The following ADI1 variants were observed in gnomAD, a reference collection of about 807,000 sequenced individuals.
ADI1 encodes acireductone dioxygenase.
A neutral mutation model predicts 18.7 loss-of-function variants in ADI1; 21 were observed. The observed-to-expected ratio is 1.13, with a 90% CI of 0.80 to 1.62. The LOEUF is 1.62. Ranked by LOEUF, ADI1 falls within the 40% of genes most tolerant of loss-of-function variation. The pLI, the probability that ADI1 is intolerant of heterozygous loss-of-function variation, is 0.00. For missense variants in ADI1, 245 were observed against 254.9 expected (o/e 0.96, Z 0.26); for synonymous variants, 90 against 100.1 (o/e 0.90, Z 0.60).
Position 3,498,969 on chromosome 2 carries a change from G to A in ADI1, c.534C>T (p.Thr178=), listed in dbSNP as rs747648086. ...RGQYVKFLAQ[T]A is the part of the protein sequence containing the mutation. ...TAGTTCCCAGGCAGCACTGCTAGGC[G>A]GTCTGTGCCAGAAATTTCACGTACT... Residue 178 remains threonine (T), a synonymous_variant, in exon 4 of 4, where the codon ACC becomes ACT. Transcript: ENST00000327435. 31 of 1,611,410 alleles carry A rather than the reference G, an allele frequency of 1.9e-5. No homozygotes were observed. Among genetic ancestry groups the A allele is most frequent in the African/African-American group, 1.2e-4 (9 of 74,874 alleles).
intron 2 of ADI1, among the ~76,000 whole-genome samples, chr2:3,503,959 A>C (rs1486982060): frequency 6.6e-6 from 1 of 152,222 alleles, no homozygotes; most frequent in Non-Finnish European, 1.5e-5. Flanking sequence ...GGTGAGCGCC[A>C]CTGCACGGCC....
chr2:3,509,541 T>C (rs1461851844), intron 2 of ADI1, among the ~76,000 whole-genome samples: 1 of 151,836 alleles, frequency 6.6e-6, no homozygotes, highest in Non-Finnish European at 1.5e-5. Context: ...CCTCAAATAA[T>C]TGGAAACTAA....
rs1304883868 is a variant in ADI1 at position 3,498,608 on chromosome 2, A to C, written c.*355T>G. The C allele has an allele frequency of 1.6e-5, 3 of 188,942 alleles. No homozygotes were observed. The highest frequency in any genetic ancestry group is 3.2e-5 in the Non-Finnish European group (3 of 92,720). The allele number at this position is 188,942 out of a possible 1,614,324, so 11.7% of individuals were successfully genotyped here. ...TTCTATCTGGCTAGCTGTGTTATCT[A>C]GGATTGCACCTTCTTACACGGCAGG... On this transcript the variant is annotated 3_prime_UTR_variant, in exon 4 of 4. Transcript: ENST00000327435.
chr2:3,511,616 A>G (rs1199318066), intron 2 of ADI1, among the ~76,000 whole-genome samples: 1 of 152,202 alleles, frequency 6.6e-6, no homozygotes, highest in Admixed American at 6.5e-5. Flanking sequence ...ACAACCTAAT[A>G]CAGAAAAAAT....
chr2:3,502,450 CTTT>C (rs35773710), intron 2 of ADI1, among the ~76,000 whole-genome samples: 58,974 of 130,308 alleles, frequency 0.45, 14,154 homozygotes, highest in African/African-American at 0.74. Context: ...GGAAATAGCT[CTTT>C]TTTTTTTTTT....
chr2:3,499,775 AC>A (rs1360489422), intron 3 of ADI1, among the ~76,000 whole-genome samples: 1 of 152,226 alleles, frequency 6.6e-6, no homozygotes, highest in East Asian at 1.9e-4. Flanking sequence ...CTGAAATGAA[AC>A]AGTCCCCAGT....
At position 3,499,508 on chromosome 2, in the gene ADI1, A is replaced by G. The variant is rs559422440; in HGVS notation, c.421-426T>C. On this transcript the variant is annotated intron_variant, in intron 3 of 3. Coordinates refer to ENST00000327435, the MANE Select transcript of ADI1 (RefSeq NM_018269.4). Reference sequence around the variant, plus strand: ...CAATTCAGCCACATCCGTCCAGACTAAAAACGCACGTGCCTTTTAATTCAG... The same window carrying G: ...CAATTCAGCCACATCCGTCCAGACTGAAAACGCACGTGCCTTTTAATTCAG... Among the ~76,000 whole-genome samples, 3 of 152,320 alleles carry G rather than the reference A, an allele frequency of 2.0e-5. No homozygotes were observed. The South Asian group carries it at 6.2e-4, about 32-fold the overall frequency.
chr2:3,500,719 T>C (rs1666979735), intron 3 of ADI1, 95 bp downstream of exon 3: 12 of 1,544,124 alleles, frequency 7.8e-6, no homozygotes, highest in African/African-American at 1.4e-5. Flanking sequence ...CGACCGCGCT[T>C]GGAGTCTGCG....
In ADI1 at chr2:3,499,074, C is replaced by G; in HGVS notation, c.429G>C (p.Thr143=). The G allele has an allele frequency of 6.2e-7, 1 of 1,613,600 alleles. No individual in the cohort carries two copies. The highest frequency in any genetic ancestry group is 2.2e-5 in the East Asian group (1 of 44,864). ...HRFTVDEKNY[T]KAMRLFVGEP... ...CTCCCACAAACAGCCGCATGGCCTT[C>G]GTGTAGTTCTGGAAAACAGACAAAC... Residue 143 remains threonine, a synonymous_variant, in exon 4 of 4, where the codon ACG becomes ACC. Coordinates refer to ENST00000327435, the MANE Select transcript of ADI1 (RefSeq NM_018269.4).
intron 1 of ADI1, chr2:3,516,620 G>T: frequency 4.6e-6 from 3 of 656,978 alleles, no homozygotes; most frequent in South Asian, 6.8e-5. Context: ...CCTTAATCTT[G>T]GACTTCTTAG....
At chr2:3,516,065 G>A in intron 1 of ADI1, 1 of 981,312 alleles carries the variant, frequency 1.0e-6, no homozygotes, top group Non-Finnish European at 1.2e-6. Flanking sequence ...TATGACACGT[G>A]TCATAAGTTT....
intron 1 of ADI1, chr2:3,516,961 A>G (rs765562003): frequency 1.6e-5 from 16 of 983,932 alleles, no homozygotes; most frequent in Non-Finnish European, 1.9e-5. Context: ...TTCTGGCTTC[A>G]GGCAATCTGC....
chr2:3,517,782 A>G (rs917722072), intron 1 of ADI1: 2 of 152,172 alleles, frequency 1.3e-5, no homozygotes, highest in African/African-American at 4.8e-5. Flanking sequence ...AAGAATATAA[A>G]AACACACAGG....
intron 1 of ADI1, chr2:3,516,766 A>G: frequency 1.0e-6 from 1 of 985,352 alleles, no homozygotes. Context: ...GTTTGTATGT[A>G]TGACAAAAGG....
At chr2:3,516,815 AAC>A in intron 1 of ADI1, 1 of 985,460 alleles carries the variant, frequency 1.0e-6, no homozygotes, top group Non-Finnish European at 1.2e-6. Flanking sequence ...AGATTGATTA[AAC>A]AGATACACAA....
intron 2 of ADI1, among the ~76,000 whole-genome samples, chr2:3,509,651 T>C (rs1667252117): frequency 6.6e-6 from 1 of 151,850 alleles, no homozygotes; most frequent in Non-Finnish European, 1.5e-5. Context: ...AAATAAAAAG[T>C]ATATCGAAAT....
chr2:3,501,484 G>A (rs1297754020), intron 2 of ADI1, among the ~76,000 whole-genome samples: 1 of 152,194 alleles, frequency 6.6e-6, no homozygotes, highest in Non-Finnish European at 1.5e-5. Flanking sequence ...GGACATTGCA[G>A]GGAGGCAGGC....
chr2:3,515,848 C>T, intron 1 of ADI1: 2 of 959,248 alleles, frequency 2.1e-6, no homozygotes, highest in South Asian at 9.6e-5. Flanking sequence ...CTGGCCGACA[C>T]TTATGGAAAA....
At chr2:3,510,050 G>A (rs1408575126) in intron 2 of ADI1, among the ~76,000 whole-genome samples, 1 of 151,842 alleles carries the variant, frequency 6.6e-6, no homozygotes, top group Non-Finnish European at 1.5e-5. Flanking sequence ...GGCTGAGGCA[G>A]GAGAATTGCT....
Sources: allele counts gnomAD v4.1 joint callset (sites outside exome capture counted in the v4.1 genomes callset), GRCh38; gene constraint gnomAD v4.1.1; transcripts MANE v1.5; gene names NCBI Gene and HGNC (gene_info 2026-07-23, HGNC 2026-07-21).